LNX1: variants seen among roughly 807,000 people sequenced by gnomAD.
LNX1 encodes the protein ligand of numb-protein X 1, also known as E3 ubiquitin-protein ligase LNX.
Under a neutral mutation model 68.4 loss-of-function variants are expected in LNX1, and 54 were observed. The observed-to-expected ratio is 0.79, with a 90% CI of 0.63 to 0.99. The LOEUF (loss-of-function observed/expected upper bound fraction) is 0.99, where lower values mean the gene tolerates loss of function less well. Ranked by LOEUF, LNX1 falls within the 50% of genes least tolerant of loss-of-function variation. The probability of loss-of-function intolerance (pLI) is 0.00; values close to 1 mark genes in which losing one functional copy is unlikely to be tolerated. For synonymous variants in LNX1, 336 were observed against 350.0 expected (o/e 0.96, Z 0.45); for missense variants, 906 against 926.4 (o/e 0.98, Z 0.29).
intron 1 of LNX1, among the ~76,000 whole-genome samples, chr4:53,624,551 C>T (rs891525683): frequency 3.3e-5 from 5 of 152,128 alleles, no homozygotes; most frequent in African/African-American, 1.2e-4. Context: ...GTGTCTTTAT[C>T]AGCAGCATGA....
At chr4:53,588,589 C>A (rs1334361165) in intron 1 of LNX1, among the ~76,000 whole-genome samples, 1 of 152,148 alleles carries the variant, frequency 6.6e-6, no homozygotes, top group African/African-American at 2.4e-5. Context: ...CCAGTCCCCC[C>A]AGTCAGTCTG....
At chr4:53,530,847 A>G (rs1344746628) in intron 2 of LNX1, among the ~76,000 whole-genome samples, 1 of 152,142 alleles carries the variant, frequency 6.6e-6, no homozygotes, top group Non-Finnish European at 1.5e-5. Context: ...TCCAGAAAAA[A>G]GGAGGGGGTA....
rs368964234 is a variant in LNX1, at chr4:53,573,689, C to A, written c.314G>T (p.Cys105Phe). Residue 105 changes from cysteine (C) to phenylalanine (F), a missense_variant, in exon 2 of 11, where the codon TGC (cysteine) becomes TTC (phenylalanine). Transcript: ENST00000263925. ...CTGGGTGCAGTGCTCCCTGAATGGG[C>A]AGGTCACCAGTAGCTTGTTGAGGAG... Reference protein sequence around the residue: ...NKLLNKLLVTCPFREHCTQVL... With the variant: ...NKLLNKLLVTFPFREHCTQVL... 2.5e-6 allele frequency: 4 copies of A among 1,609,200 alleles called. No individual in the cohort carries two copies. In the African/African-American group the frequency reaches 5.3e-5, roughly 21 times the overall value.
intron 1 of LNX1, among the ~76,000 whole-genome samples, chr4:53,630,744 T>C (rs7688605): frequency 0.32 from 48,539 of 152,140 alleles, 8,175 homozygotes; most frequent in East Asian, 0.58. Flanking sequence ...TATGTATTGA[T>C]TGGCTGATAA....
intron 2 of LNX1, among the ~76,000 whole-genome samples, chr4:53,566,336 C>G (rs867581637): frequency 4.0e-5 from 6 of 150,328 alleles, no homozygotes; most frequent in South Asian, 2.1e-4. Flanking sequence ...AGAGTGGGGG[C>G]CAATATTCAA....
At chr4:53,627,785 G>A (rs546990685) in intron 1 of LNX1, among the ~76,000 whole-genome samples, 29 of 152,250 alleles carry the variant, frequency 1.9e-4, no homozygotes, top group African/African-American at 6.5e-4. Context: ...TGACTTTACT[G>A]CTCCTAAAAG....
At chr4:53,511,861 C>G (rs1000581023) in intron 2 of LNX1, among the ~76,000 whole-genome samples, 4 of 152,122 alleles carry the variant, frequency 2.6e-5, no homozygotes, top group South Asian at 2.1e-4. Flanking sequence ...ATGAAGAGCT[C>G]CTTTCTGATG....
At chr4:53,521,958 C>A (rs4864783) in intron 2 of LNX1, among the ~76,000 whole-genome samples, 145,487 of 152,028 alleles carry the variant, frequency 0.96, 69,964 homozygotes, top group Middle Eastern at 1. Flanking sequence ...TACCACCACA[C>A]CTGGCTAACT....
upstream of LNX1, among the ~76,000 whole-genome samples, chr4:53,621,454 G>T (rs990299290): frequency 2.0e-5 from 3 of 152,090 alleles, no homozygotes; most frequent in Admixed American, 2.0e-4. Flanking sequence ...AAACCTACTT[G>T]CTGCCTTGCA....
intron 2 of LNX1, among the ~76,000 whole-genome samples, chr4:53,565,656 T>C (rs1730624711): frequency 6.6e-6 from 1 of 152,180 alleles, no homozygotes; most frequent in Admixed American, 6.5e-5. Flanking sequence ...GAGAATGACT[T>C]TGACGAGCTG....
chr4:53,583,551 A>AG (rs1195827922), intron 1 of LNX1, among the ~76,000 whole-genome samples: 3 of 126,724 alleles, frequency 2.4e-5, no homozygotes, highest in African/African-American at 8.6e-5. Context: ...CCAAAAATAC[A>AG]GAAAAAAAAA....
chr4:53,460,393 A>ATCTT lies in LNX1; in HGVS notation c.*510_*513dup, dbSNP rs575016830. On this transcript the variant is annotated 3_prime_UTR_variant, in exon 11 of 11. Transcript: ENST00000263925. ...GTATTTGAAAGAATAAATTACTAGG[A>ATCTT]TCTTTTAAATAGTGATAATACAAAA... 21 of 189,188 alleles carry ATCTT rather than the reference A, an allele frequency of 1.1e-4. No homozygotes were observed. The highest frequency in any genetic ancestry group is 9.5e-4 in the East Asian group (11 of 11,608). 11.7% of individuals were successfully genotyped at this position (189,188 alleles called of 1,614,324 possible).
chr4:53,564,178 C>G (rs1730480436), intron 2 of LNX1, among the ~76,000 whole-genome samples: 1 of 152,198 alleles, frequency 6.6e-6, no homozygotes, highest in African/African-American at 2.4e-5. Flanking sequence ...TTCATCAAGC[C>G]TCTATCTCAG....
At chr4:53,640,656 G>C (rs1402240145) in intron 1 of LNX1, among the ~76,000 whole-genome samples, 1 of 152,192 alleles carries the variant, frequency 6.6e-6, no homozygotes, top group African/African-American at 2.4e-5. Context: ...ATTAGTTTAG[G>C]GGAATTGTTG....
In LNX1 at chr4:53,459,657, G is replaced by A; in HGVS notation, c.*1250C>T. ...GTACTATTTCAAAAATAAAAAGACAGCAATGACTTTATATCCAAGAAAGGA... is the reference window on the plus strand; with the variant it reads ...GTACTATTTCAAAAATAAAAAGACAACAATGACTTTATATCCAAGAAAGGA... On this transcript the variant is annotated 3_prime_UTR_variant, in exon 11 of 11. Coordinates refer to ENST00000263925, the MANE Select transcript of LNX1 (RefSeq NM_001126328.3). 1 of 645,788 alleles carries A rather than the reference G, an allele frequency of 1.5e-6. No homozygotes were observed. The highest frequency in any genetic ancestry group is 2.6e-6 in the Non-Finnish European group (1 of 380,948). 40.0% of individuals were successfully genotyped at this position (645,788 alleles called of 1,614,324 possible).
intron 6 of LNX1, among the ~76,000 whole-genome samples, chr4:53,486,390 CTCT>C (rs1185073801): frequency 6.6e-6 from 1 of 152,204 alleles, no homozygotes; most frequent in Non-Finnish European, 1.5e-5. Flanking sequence ...CAGCATCCCT[CTCT>C]TTTTTCTACA....
chr4:53,543,298 C>A (rs1310147747), intron 2 of LNX1, among the ~76,000 whole-genome samples: 1 of 152,218 alleles, frequency 6.6e-6, no homozygotes, highest in Non-Finnish European at 1.5e-5. Flanking sequence ...TTATTTCATG[C>A]CACTTATTTC....
chr4:53,570,556 C>G (rs1731075839), intron 2 of LNX1, among the ~76,000 whole-genome samples: 1 of 150,566 alleles, frequency 6.6e-6, no homozygotes, highest in Non-Finnish European at 1.5e-5. Flanking sequence ...GGCGATATAC[C>G]TAATGCTAAA....
At chr4:53,540,714 C>T (rs1233341697) in intron 2 of LNX1, among the ~76,000 whole-genome samples, 2 of 151,948 alleles carry the variant, frequency 1.3e-5, no homozygotes, top group Non-Finnish European at 2.9e-5. Context: ...AAAAACCCCC[C>T]TGTTATTATT....
Sources: allele counts gnomAD v4.1 joint callset (sites outside exome capture counted in the v4.1 genomes callset), GRCh38; gene constraint gnomAD v4.1.1; transcripts MANE v1.5; gene names NCBI Gene and HGNC (gene_info 2026-07-23, HGNC 2026-07-21).